The following POU2AF1 variants were observed in gnomAD, a reference collection of about 807,000 sequenced individuals.
POU2AF1 encodes the protein POU class 2 homeobox associating factor 1.
POU2AF1 carries 12 observed loss-of-function variants against 26.3 expected under a neutral mutation model. The ratio of observed to expected loss-of-function variants is 0.46; its 90% CI spans 0.29 to 0.74. POU2AF1 has a LOEUF of 0.74. Among genes scored for constraint, POU2AF1 ranks in the 30% least tolerant of loss-of-function variants. The pLI, the probability that POU2AF1 is intolerant of heterozygous loss-of-function variation, is 0.09. For synonymous variants in POU2AF1, 175 were observed against 148.0 expected (o/e 1.18, Z -1.32); for missense variants, 297 against 334.5 (o/e 0.89, Z 0.87).
intron 1 of POU2AF1, among the ~76,000 whole-genome samples, chr11:111,371,506 C>G (rs916502764): frequency 1.3e-5 from 2 of 152,032 alleles, no homozygotes; most frequent in Admixed American, 6.6e-5. Flanking sequence ...AATTGTGACG[C>G]GAGTTCCAAG....
chr11:111,363,412 C>T (rs1027886101), intron 1 of POU2AF1: 4 of 1,015,754 alleles, frequency 3.9e-6, no homozygotes, highest in Non-Finnish European at 4.7e-6. Flanking sequence ...TTGAAACTTG[C>T]AGTTGGTACC....
intron 1 of POU2AF1, among the ~76,000 whole-genome samples, chr11:111,375,390 CT>C (rs869115956): frequency 1.0e-4 from 8 of 79,488 alleles, no homozygotes; most frequent in African/African-American, 4.1e-4. Context: ...TACTGAGTAT[CT>C]TTTTTTTTTT....
At chr11:111,362,939 C>A (rs1861038742) in intron 1 of POU2AF1, 1 of 172,116 alleles carries the variant, frequency 5.8e-6, no homozygotes, top group East Asian at 1.7e-4. Context: ...CCAGTCCCTC[C>A]CAGGAAGTGG....
At chr11:111,358,273 T>G (rs2135111784) in intron 2 of POU2AF1, among the ~76,000 whole-genome samples, 1 of 149,982 alleles carries the variant, frequency 6.7e-6, no homozygotes, top group African/African-American at 2.5e-5. Flanking sequence ...GCCATCTGCC[T>G]GCGCGCACAC....
intron 1 of POU2AF1, among the ~76,000 whole-genome samples, chr11:111,364,997 C>T (rs1384971761): frequency 6.6e-6 from 1 of 152,222 alleles, no homozygotes; most frequent in Non-Finnish European, 1.5e-5. Context: ...CTAATTTTGG[C>T]TTTTCAAGAC....
chr11:111,363,690 A>T (rs960709765), intron 1 of POU2AF1: 1 of 495,272 alleles, frequency 2.0e-6, no homozygotes, highest in Non-Finnish European at 2.6e-6. Flanking sequence ...AAAGAAAATA[A>T]ACCAGGAGAT....
At chr11:111,374,314 T>G (rs1250400179) in intron 1 of POU2AF1, among the ~76,000 whole-genome samples, 1 of 152,122 alleles carries the variant, frequency 6.6e-6, no homozygotes, top group African/African-American at 2.4e-5. Context: ...ATCTGTGTAT[T>G]TGGTTGATGT....
chr11:111,358,945 C>T (rs747181262), intron 1 of POU2AF1, 27 bp from the exon 2 acceptor site: 1 of 1,584,122 alleles, frequency 6.3e-7, no homozygotes, highest in Non-Finnish European at 8.5e-7. Context: ...CCCTGGAGCC[C>T]ATGGTCCTTC....
chr11:111,355,345 C>T (rs2135105718), intron 4 of POU2AF1, among the ~76,000 whole-genome samples: 1 of 152,350 alleles, frequency 6.6e-6, no homozygotes, highest in East Asian at 1.9e-4. Context: ...TACCTCTCAC[C>T]TGCACGGCGA....
At chr11:111,358,627 T>TTC (rs141438046) in intron 2 of POU2AF1, among the ~76,000 whole-genome samples, 161 bp downstream of exon 2, 3 of 145,770 alleles carry the variant, frequency 2.1e-5, no homozygotes, top group African/African-American at 5.2e-5. Flanking sequence ...CAGATACACA[T>TTC]TCTCTCTCAC....
rs1861190667 is a variant in POU2AF1, at chr11:111,370,578, G to T, written c.16+8584C>A. Among the ~76,000 whole-genome samples the T allele has an allele frequency of 2.6e-5, 4 of 152,184 alleles. No homozygotes were observed. In the South Asian group the frequency reaches 8.3e-4, roughly 32 times the overall value. On this transcript the variant is annotated intron_variant, in intron 1 of 4. Transcript: ENST00000393067. ...AGAGTGAGAATGGCAGGGAAATGTG[G>T]GGGAACATGAGCAATCAGAGCTCCA...
In POU2AF1 at chr11:111,353,088, T is replaced by C. The variant is rs981696785; in HGVS notation, c.*1173A>G. ...AAAACCCACATGGTAGCACTAAGCC[T>C]AGGCGAGGACCCATCACCTTTAGGC... On this transcript the variant is annotated 3_prime_UTR_variant, in exon 5 of 5. Coordinates refer to ENST00000393067, the MANE Select transcript of POU2AF1 (RefSeq NM_006235.3). The C allele has an allele frequency of 2.2e-5, 5 of 223,844 alleles. No individual in the cohort carries two copies. In the Admixed American group the frequency reaches 2.9e-4, roughly 13 times the overall value. The allele number at this position is 223,844 out of a possible 1,614,324, so 13.9% of individuals were successfully genotyped here.
At chr11:111,367,185 C>T (rs1218620212) in intron 1 of POU2AF1, among the ~76,000 whole-genome samples, 2 of 152,182 alleles carry the variant, frequency 1.3e-5, no homozygotes, top group Non-Finnish European at 2.9e-5. Flanking sequence ...CACCACACCT[C>T]CCTTCCTCTG....
At chr11:111,375,358 T>C (rs1161432663) in intron 1 of POU2AF1, among the ~76,000 whole-genome samples, 7 of 149,426 alleles carry the variant, frequency 4.7e-5, no homozygotes, top group African/African-American at 1.7e-4. Flanking sequence ...CCCATTGGTG[T>C]TGGCAATGTA....
At chr11:111,358,368 T>TCACACACACTCA (rs745706431) in intron 2 of POU2AF1, among the ~76,000 whole-genome samples, 2 of 82,146 alleles carry the variant, frequency 2.4e-5, no homozygotes, top group African/African-American at 8.5e-5. Context: ...TCTCACACAC[T>TCACACACACTCA]CACACACTCT....
chr11:111,357,151 A>G (rs1860863075), intron 4 of POU2AF1, among the ~76,000 whole-genome samples: 1 of 152,096 alleles, frequency 6.6e-6, no homozygotes, highest in Non-Finnish European at 1.5e-5. Flanking sequence ...TCAACTCAGA[A>G]CCAAGACTCA....
At chr11:111,373,644 C>T (rs1861254371) in intron 1 of POU2AF1, among the ~76,000 whole-genome samples, 2 of 152,350 alleles carry the variant, frequency 1.3e-5, no homozygotes, top group Middle Eastern at 3.4e-3. Context: ...AAGGCAAGTT[C>T]CATTCCAGCA....
rs368586763 is a variant in POU2AF1, at chr11:111,378,472, C to T, written c.16+690G>A. 9.1e-4 allele frequency among the ~76,000 whole-genome samples: 139 copies of T among 152,252 alleles called. 1 individual carries two copies. The South Asian group carries it at 0.028, about 31-fold the overall frequency. On this transcript the variant is annotated intron_variant, in intron 1 of 4. Transcript: ENST00000393067. The stretch of plus-strand genomic sequence containing the variant: ...GTAAGGTAAGTCGCTGTTTGGTCCA[C>T]ATAAAGGAAAATAAAGTTCACAATT...
intron 1 of POU2AF1, among the ~76,000 whole-genome samples, chr11:111,371,323 C>A (rs1861205261): frequency 6.6e-6 from 1 of 152,136 alleles, no homozygotes; most frequent in South Asian, 2.1e-4. Context: ...GAAAAGGAGG[C>A]CACACATTGT....
Sources: gnomAD v4.1 joint callset for allele counts (sites outside exome capture counted in the v4.1 genomes callset) on GRCh38, gnomAD v4.1.1 for gene constraint, MANE v1.5 for transcripts, NCBI Gene and HGNC (gene_info 2026-07-23, HGNC 2026-07-21) for gene names.